The following MNAT1 variants were observed in gnomAD, a reference collection of about 807,000 sequenced individuals.
The protein encoded by MNAT1 is MNAT1 component of CDK activating kinase.
MNAT1 carries 43 observed loss-of-function variants against 42.0 expected under a neutral mutation model. The observed-to-expected ratio is 1.02, with a 90% CI of 0.80 to 1.32. The LOEUF is 1.32. Ranked by LOEUF, MNAT1 falls within the 40% of genes most tolerant of loss-of-function variation. MNAT1 has a pLI of 0.00. For synonymous variants in MNAT1, 118 were observed against 120.0 expected (o/e 0.98, Z 0.11); for missense variants, 306 against 350.4 (o/e 0.87, Z 1.01).
intron 7 of MNAT1, among the ~76,000 whole-genome samples, chr14:60,883,422 T>G (rs1304105712): frequency 1.3e-5 from 2 of 152,170 alleles, no homozygotes; most frequent in Non-Finnish European, 2.9e-5. Flanking sequence ...CTCTATTTTG[T>G]TCCATTGGTC....
intron 6 of MNAT1, among the ~76,000 whole-genome samples, chr14:60,841,299 T>C (rs2033545791): frequency 6.6e-6 from 1 of 152,162 alleles, no homozygotes; most frequent in South Asian, 2.1e-4. Context: ...AGGTGGCTGC[T>C]ATTATTAAGC....
At chr14:60,901,998 A>G (rs570250397) in intron 7 of MNAT1, among the ~76,000 whole-genome samples, 11 of 152,334 alleles carry the variant, frequency 7.2e-5, no homozygotes, top group African/African-American at 2.6e-4. Flanking sequence ...AAATGCTATT[A>G]AACAGCATTA....
intron 6 of MNAT1, among the ~76,000 whole-genome samples, chr14:60,876,960 A>T (rs147485944): frequency 4.6e-5 from 7 of 152,034 alleles, no homozygotes; most frequent in Admixed American, 1.3e-4. Context: ...AATCCATCCA[A>T]TTGTTGGATC....
chr14:60,760,667 A>T (rs1261549310), intron 1 of MNAT1, among the ~76,000 whole-genome samples: 1 of 152,246 alleles, frequency 6.6e-6, no homozygotes, highest in African/African-American at 2.4e-5. Flanking sequence ...TATTGTTTGT[A>T]AGCACTTTAT....
intron 6 of MNAT1, among the ~76,000 whole-genome samples, chr14:60,855,793 C>G (rs1465665040): frequency 6.6e-6 from 1 of 152,144 alleles, no homozygotes; most frequent in African/African-American, 2.4e-5. Context: ...ATTATCATAT[C>G]TGTTGTGCTG....
At chr14:60,803,162 C>G (rs2032263494) in intron 3 of MNAT1, among the ~76,000 whole-genome samples, 1 of 151,994 alleles carries the variant, frequency 6.6e-6, no homozygotes, top group Non-Finnish European at 1.5e-5. Context: ...ATCTTGAACT[C>G]CTGACCTTGT....
chr14:60,742,061 GTAGCTTTTTATT>G (rs1896485926), intron 1 of MNAT1, among the ~76,000 whole-genome samples: 1 of 151,624 alleles, frequency 6.6e-6, no homozygotes, highest in Non-Finnish European at 1.5e-5. Flanking sequence ...CTATTAGCCG[GTAGCTTTTTATT>G]TTTTATTTAT....
rs1566749277 is a variant in MNAT1, at chr14:60,746,931, C to CTGT, written c.89+11980_89+11981insTGT. The stretch of plus-strand genomic sequence containing the variant: ...ATATATATATATATATATACACACA[C>CTGT]ACACACACACACACACACACACACA... On this transcript the variant is annotated intron_variant, in intron 1 of 7. Transcript: ENST00000261245. Among the ~76,000 whole-genome samples, 4 of 9,300 alleles carry CTGT rather than the reference C, an allele frequency of 4.3e-4. No homozygotes were observed. In the East Asian group the frequency reaches 0.016, roughly 36 times the overall value. 6.1% of individuals were successfully genotyped at this position (9,300 alleles called of 152,430 possible). A position where few individuals can be genotyped will look rare whatever the true frequency, so the allele number is the denominator to read the frequency against.
chr14:60,782,977 T>C (rs1200381936), intron 1 of MNAT1, among the ~76,000 whole-genome samples: 1 of 152,244 alleles, frequency 6.6e-6, no homozygotes, highest in Non-Finnish European at 1.5e-5. Flanking sequence ...TAAAATCTTA[T>C]ACTTCTTTAT....
intron 6 of MNAT1, among the ~76,000 whole-genome samples, chr14:60,828,729 A>G (rs1238103319): frequency 6.6e-6 from 1 of 152,184 alleles, no homozygotes; most frequent in Admixed American, 6.5e-5. Context: ...CCAGGTGGTA[A>G]CCTGTACTGT....
chr14:60,869,041 T>TATATATA (rs373998263), intron 6 of MNAT1, among the ~76,000 whole-genome samples: 14 of 92,764 alleles, frequency 1.5e-4, no homozygotes, highest in East Asian at 1.2e-3. Flanking sequence ...TATATATATA[T>TATATATA]TTTTTTTTTT....
At chr14:60,751,249 C>G (rs1425263150) in intron 1 of MNAT1, among the ~76,000 whole-genome samples, 2 of 151,946 alleles carry the variant, frequency 1.3e-5, no homozygotes, top group East Asian at 3.8e-4. Context: ...ATTTTGATTA[C>G]CTGTTGACTA....
intron 7 of MNAT1, among the ~76,000 whole-genome samples, chr14:60,891,852 T>G (rs1225634436): frequency 1.3e-5 from 2 of 152,206 alleles, no homozygotes; most frequent in Non-Finnish European, 2.9e-5. Flanking sequence ...CTTGTTCTTG[T>G]TTTTATTCAT....
chr14:60,740,561 T>A lies in MNAT1; in HGVS notation c.89+5610T>A, dbSNP rs1018558330. Among the ~76,000 whole-genome samples, 1 of 152,248 alleles carries A rather than the reference T, an allele frequency of 6.6e-6. No individual in the cohort carries two copies. Among genetic ancestry groups the A allele is most frequent in the African/African-American group, 2.4e-5 (1 of 41,472 alleles). ...GATAAGAATAATAAGTGGTGTTAAC[T>A]CATTTAATATACTGATCTTATTCAG... On this transcript the variant is annotated intron_variant, in intron 1 of 7. Coordinates refer to ENST00000261245, the MANE Select transcript of MNAT1 (RefSeq NM_002431.4). This position sits in a 1 kb window ranked among gnomAD's most constrained non-coding sequence, Gnocchi z 4.1.
At chr14:60,785,810 G>A (rs1426260473) in intron 1 of MNAT1, among the ~76,000 whole-genome samples, 1 of 152,184 alleles carries the variant, frequency 6.6e-6, no homozygotes, top group African/African-American at 2.4e-5. Flanking sequence ...ATAGTACTGA[G>A]AGGATAGCCA....
intron 6 of MNAT1, among the ~76,000 whole-genome samples, chr14:60,829,835 A>G (rs967719084): frequency 6.6e-6 from 1 of 152,220 alleles, no homozygotes; most frequent in Admixed American, 6.5e-5. Context: ...TACATACTGT[A>G]TACTGCATTG....
intron 6 of MNAT1, among the ~76,000 whole-genome samples, chr14:60,859,008 C>G (rs2034032083): frequency 6.6e-6 from 1 of 152,100 alleles, no homozygotes; most frequent in Non-Finnish European, 1.5e-5. Flanking sequence ...CCATATCTGC[C>G]TTTCGTAAGA....
rs1052562542 is a variant in MNAT1 at position 60,879,588 on chromosome 14, G to A, written c.688-126G>A. The A allele has an allele frequency of 9.5e-5, 83 of 870,510 alleles. 1 individual carries two copies. Among genetic ancestry groups the A allele is most frequent in the Admixed American group, 1.3e-4 (5 of 37,806 alleles). The allele number at this position is 870,510 out of a possible 1,614,324, so 53.9% of individuals were successfully genotyped here. ...TATGCTGCAATGCATTGTACCCATG[G>A]AACAGCACAACTAATGGCTAATACT... On this transcript the variant is annotated intron_variant, in intron 6 of 7. Transcript: ENST00000261245.
intron 6 of MNAT1, among the ~76,000 whole-genome samples, chr14:60,873,878 T>A (rs1222611200): frequency 6.6e-6 from 1 of 152,228 alleles, no homozygotes; most frequent in African/African-American, 2.4e-5. Context: ...TTTTATGTTA[T>A]AATTGAACTG....
Sources: allele counts gnomAD v4.1 joint callset (sites outside exome capture counted in the v4.1 genomes callset), GRCh38; gene constraint gnomAD v4.1.1; non-coding constraint Gnocchi (gnomAD v3.1); transcripts MANE v1.5; gene names NCBI Gene and HGNC (gene_info 2026-07-23, HGNC 2026-07-21).